VPS13D: variants seen among roughly 807,000 people sequenced by gnomAD.
VPS13D encodes the protein vacuolar protein sorting 13 homolog D.
A neutral mutation model predicts 461.9 loss-of-function variants in VPS13D; 187 were observed. The observed-to-expected ratio is 0.40, with a 90% CI of 0.36 to 0.46. VPS13D has a LOEUF of 0.46. Among genes scored for constraint, VPS13D ranks in the 20% least tolerant of loss-of-function variants. VPS13D has a pLI of 0.60. For synonymous variants in VPS13D, 1,951 were observed against 1,986.3 expected, an observed-to-expected ratio of 0.98 and a Z score of 0.47; for missense variants, 4,711 against 5,364.9, an observed-to-expected ratio of 0.88 and a Z score of 3.81.
chr1:12,483,392 A>G (rs1211959371), intron 67 of VPS13D, among the ~76,000 whole-genome samples: 1 of 152,132 alleles, frequency 6.6e-6, no homozygotes, highest in Non-Finnish European at 1.5e-5. Flanking sequence ...TCAGTTGGCC[A>G]TTTGGATTTT....
chr1:12,262,348 C>G (rs1293113804), intron 13 of VPS13D, among the ~76,000 whole-genome samples: 1 of 152,106 alleles, frequency 6.6e-6, no homozygotes, highest in Non-Finnish European at 1.5e-5. Flanking sequence ...TACAGACAGT[C>G]CTTGACTTAG....
Position 12,403,807 on chromosome 1 carries a change from A to C in VPS13D, c.11882-18A>C. On this transcript the variant is annotated intron_variant, in intron 62 of 69. Transcript: ENST00000620676. ...TAAGAAATTCTTTTTTGTTTTTTTA[A>C]TTCTTCCTTTGTACCAGAGGTGGAA... The C allele has an allele frequency of 6.4e-7, 1 of 1,565,630 alleles. No homozygotes were observed. Among genetic ancestry groups the C allele is most frequent in the Non-Finnish European group, 8.6e-7 (1 of 1,159,858 alleles).
intron 46 of VPS13D, 138 bp downstream of exon 46, chr1:12,349,512 TTTAG>T: frequency 1.1e-6 from 1 of 950,658 alleles, no homozygotes; most frequent in East Asian, 2.6e-5. Flanking sequence ...TTCCTTGAGT[TTTAG>T]TTAGAGTTCA....
chr1:12,420,729 T>C (rs1644852585), intron 65 of VPS13D, among the ~76,000 whole-genome samples: 1 of 152,200 alleles, frequency 6.6e-6, no homozygotes, highest in South Asian at 2.1e-4. Context: ...ACTTTAATTG[T>C]ATTTCTACCT....
At chr1:12,496,539 T>C (rs1018684393) in intron 67 of VPS13D, among the ~76,000 whole-genome samples, 1 of 152,230 alleles carries the variant, frequency 6.6e-6, no homozygotes, top group Admixed American at 6.5e-5. Context: ...CTCCTCTCTT[T>C]TAGATCTGTC....
chr1:12,422,407 A>G (rs1485421078), intron 65 of VPS13D, among the ~76,000 whole-genome samples: 1 of 152,170 alleles, frequency 6.6e-6, no homozygotes, highest in Admixed American at 6.5e-5. Flanking sequence ...ACCAGGCCCA[A>G]ATTTCCCAGC....
At position 12,309,761 on chromosome 1, in the gene VPS13D, C is replaced by CAA. The variant is rs1398161248; in HGVS notation, c.6650+1136_6650+1137dup. On this transcript the variant is annotated intron_variant, in intron 27 of 69. Transcript: ENST00000620676. ...TGGGTGACAGAGCAAGACTCAGTCT[C>CAA]AAAAAAAAAAAAAAAAAGAAAGAAA... 1.0e-3 allele frequency among the ~76,000 whole-genome samples: 73 copies of CAA among 73,000 alleles called. 1 individual carries two copies. The highest frequency in any genetic ancestry group is 2.1e-3 in the African/African-American group (54 of 25,246). 47.9% of individuals were successfully genotyped at this position (73,000 alleles called of 152,430 possible). A position where few individuals can be genotyped will look rare whatever the true frequency, so the allele number is the denominator to read the frequency against.
chr1:12,283,359 G>A lies in VPS13D; in HGVS notation c.5257G>A (p.Val1753Ile), dbSNP rs759771053. 8 of 1,614,124 alleles carry A rather than the reference G, an allele frequency of 5.0e-6. No homozygotes were observed. The highest frequency in any genetic ancestry group is 1.6e-4 in the Middle Eastern group (1 of 6,062). The change falls in exon 21 of 70, where the codon GTC becomes ATC. Residue 1753 changes from valine to isoleucine, a missense_variant. This residue lies in a region of VPS13D where 4,411 missense variants were observed against 4,937.8 expected (regional missense o/e 0.89). Transcript: ENST00000620676. ...TGCGTCCCGGAAAAAGCAAAAGGAA[G>A]TCCAAGACAAGGACTATCCCTTGAC... ...TSASRKKQKEVQDKDYPLTPP... is the reference protein window; with the variant it reads ...TSASRKKQKEIQDKDYPLTPP...
chr1:12,436,778 C>T (rs1570168781), intron 65 of VPS13D, among the ~76,000 whole-genome samples: 2 of 152,152 alleles, frequency 1.3e-5, no homozygotes, highest in East Asian at 3.8e-4. Context: ...AAGCAATTCT[C>T]CTGCCTCTGC....
chr1:12,407,853 T>A (rs1644675299), intron 63 of VPS13D, among the ~76,000 whole-genome samples: 1 of 152,208 alleles, frequency 6.6e-6, no homozygotes, highest in African/African-American at 2.4e-5. Context: ...TCTTTAATAT[T>A]TGGTTGCAAG....
At chr1:12,475,770 A>G (rs1017031482) in intron 67 of VPS13D, among the ~76,000 whole-genome samples, 2 of 152,230 alleles carry the variant, frequency 1.3e-5, no homozygotes, top group African/African-American at 4.8e-5. Context: ...AGGACAGCAT[A>G]CATCAAATAA....
rs561992373 is a variant in VPS13D, at chr1:12,484,950, G to A, written c.12663-12550G>A. Among the ~76,000 whole-genome samples, 305 of 152,106 alleles carry A rather than the reference G, an allele frequency of 2.0e-3. 2 individuals are homozygous for A. The highest frequency in any genetic ancestry group is 6.9e-3 in the African/African-American group (285 of 41,494). On this transcript the variant is annotated intron_variant, in intron 67 of 69. Transcript: ENST00000620676. ...GCCAATTTTTTAAAAGTGGGAATAT[G>A]AGTGCATGTGCACGTGTACACACAC...
Position 12,343,857 on chromosome 1 carries a change from A to ATGG in VPS13D, c.8885+808_8885+810dup, listed in dbSNP as rs1333416637. On this transcript the variant is annotated intron_variant, in intron 42 of 69. Transcript: ENST00000620676. The stretch of plus-strand genomic sequence containing the variant: ...CTGATTTTCATGATGGATTGGTGAT[A>ATGG]TGGTATTCTTAAAAGATTCTCAAAG... Among the ~76,000 whole-genome samples the ATGG allele has an allele frequency of 4.6e-5, 7 of 152,372 alleles. No individual in the cohort carries two copies. In the South Asian group the frequency reaches 1.0e-3, roughly 23 times the overall value.
chr1:12,303,886 G>A (rs1642490713), intron 25 of VPS13D, among the ~76,000 whole-genome samples: 1 of 152,242 alleles, frequency 6.6e-6, no homozygotes, highest in South Asian at 2.1e-4. Context: ...GGTACTAAGT[G>A]TGTAAGAAAA....
chr1:12,322,072 G>A, intron 33 of VPS13D, 108 bp downstream of exon 33: 1 of 1,464,696 alleles, frequency 6.8e-7, no homozygotes, highest in Non-Finnish European at 9.3e-7. Flanking sequence ...GTTTTGTTTT[G>A]TTTTGTTTTT....
chr1:12,334,447 T>A (rs1643401733), intron 38 of VPS13D, among the ~76,000 whole-genome samples: 1 of 152,258 alleles, frequency 6.6e-6, no homozygotes, highest in Non-Finnish European at 1.5e-5. Context: ...TTGGTGTTTC[T>A]GATGAGTACA....
chr1:12,254,390 A>G, intron 7 of VPS13D, among the ~76,000 whole-genome samples: 1 of 151,972 alleles, frequency 6.6e-6, no homozygotes, highest in Non-Finnish European at 1.5e-5. Context: ...AATCTTAAAG[A>G]GGAACTTTCT....
chr1:12,273,442 A>T (rs1272096228), intron 18 of VPS13D, among the ~76,000 whole-genome samples: 1 of 152,234 alleles, frequency 6.6e-6, no homozygotes, highest in Non-Finnish European at 1.5e-5. Context: ...TTAAATGTAT[A>T]GTGCGGTTGT....
chr1:12,328,542 G>C (rs1643250276), intron 36 of VPS13D, among the ~76,000 whole-genome samples: 2 of 150,460 alleles, frequency 1.3e-5, no homozygotes, highest in South Asian at 4.2e-4. Context: ...GTGAAGTTGA[G>C]GTCTTTTTTT....
Sources: allele counts gnomAD v4.1 joint callset (sites outside exome capture counted in the v4.1 genomes callset), GRCh38; gene constraint gnomAD v4.1.1; regional missense constraint gnomAD v4.1.1; transcripts MANE v1.5; gene names NCBI Gene and HGNC (gene_info 2026-07-23, HGNC 2026-07-21).